MEDAG: variants seen among roughly 807,000 people sequenced by gnomAD.
MEDAG encodes mesenteric estrogen-dependent adipogenesis protein.
Under a neutral mutation model 29.9 loss-of-function variants are expected in MEDAG, and 25 were observed. That is an observed-to-expected ratio of 0.84 (90% CI 0.61 to 1.17). The LOEUF (loss-of-function observed/expected upper bound fraction) is 1.17. Ranked by LOEUF, MEDAG falls within the 50% of genes most tolerant of loss-of-function variation. The probability of loss-of-function intolerance (pLI) is 0.00; values close to 1 mark genes in which losing one functional copy is unlikely to be tolerated. For synonymous variants in MEDAG, 158 were observed against 148.2 expected (o/e 1.07, Z -0.48); for missense variants, 398 against 372.9 (o/e 1.07, Z -0.56).
rs148900753 is a variant in MEDAG at position 30,906,483 on chromosome 13, G to C, written c.-33G>C. 4,136 of 1,457,210 alleles carry C rather than the reference G, an allele frequency of 2.8e-3. 50 individuals carry two copies. The highest frequency in any genetic ancestry group is 0.025 in the South Asian group (1,709 of 69,394). The allele number at this position is 1,457,210 out of a possible 1,614,324, so 90.3% of individuals were successfully genotyped here. A position where few individuals can be genotyped will look rare whatever the true frequency, so the allele number is the denominator to read the frequency against. Reference sequence around the variant, plus strand: ...GGCTGGGGGCTGTAGGCACCGGACGGAAGCAGGCGGTGTGAGGACCGACGA... The same window carrying C: ...GGCTGGGGGCTGTAGGCACCGGACGCAAGCAGGCGGTGTGAGGACCGACGA... On this transcript the variant is annotated 5_prime_UTR_variant, in exon 1 of 5. Coordinates refer to ENST00000380482, the MANE Select transcript of MEDAG (RefSeq NM_032849.4).
chr13:30,908,236 T>C (rs917997211), intron 1 of MEDAG, among the ~76,000 whole-genome samples: 5 of 152,212 alleles, frequency 3.3e-5, no homozygotes, highest in Non-Finnish European at 7.3e-5. Context: ...GTGATTCCCC[T>C]GACAGCTTTG....
chr13:30,918,962 C>T (rs1471421753), intron 2 of MEDAG, among the ~76,000 whole-genome samples: 10 of 152,070 alleles, frequency 6.6e-5, no homozygotes, highest in African/African-American at 9.7e-5. Context: ...CCTCCTGCAC[C>T]GATCACTCAG....
At chr13:30,914,494 C>A (rs1245234103) in intron 1 of MEDAG, among the ~76,000 whole-genome samples, 1 of 152,240 alleles carries the variant, frequency 6.6e-6, no homozygotes, top group Non-Finnish European at 1.5e-5. Context: ...ACCCCTGAAT[C>A]ATCAAAGGCA....
intron 1 of MEDAG, among the ~76,000 whole-genome samples, chr13:30,912,559 G>T (rs1383005844): frequency 6.6e-6 from 1 of 151,898 alleles, no homozygotes; most frequent in Non-Finnish European, 1.5e-5. Flanking sequence ...GGCCATGAAG[G>T]ATTTGAATTC....
chr13:30,917,564 A>T (rs1343403745), intron 2 of MEDAG, 52 bp downstream of exon 2: 6 of 984,170 alleles, frequency 6.1e-6, no homozygotes, highest in Non-Finnish European at 9.6e-6. Context: ...AATACCTAAA[A>T]CTGGGTAATT....
At chr13:30,914,530 T>C (rs1952909493) in intron 1 of MEDAG, among the ~76,000 whole-genome samples, 1 of 152,262 alleles carries the variant, frequency 6.6e-6, no homozygotes, top group Non-Finnish European at 1.5e-5. Flanking sequence ...CATGTAGTTT[T>C]ATTATCCAAG....
At chr13:30,906,837 G>A (rs768075858) in intron 1 of MEDAG, 44 bp downstream of exon 1, 53 of 1,417,836 alleles carry the variant, frequency 3.7e-5, no homozygotes, top group Non-Finnish European at 4.6e-5. Context: ...CCTGGTACCC[G>A]CAGACGCCTC....
intron 1 of MEDAG, among the ~76,000 whole-genome samples, chr13:30,909,912 A>G (rs1485915659): frequency 2.6e-5 from 4 of 152,210 alleles, no homozygotes; most frequent in Non-Finnish European, 5.9e-5. Flanking sequence ...TTCTAAGTAC[A>G]TACCTACTAA....
chr13:30,924,302 GT>G lies in MEDAG; in HGVS notation c.788-3del, dbSNP rs764774458. 6.7e-5 allele frequency: 108 copies of G among 1,608,170 alleles called. No homozygotes were observed. The highest frequency in any genetic ancestry group is 1.5e-4 in the African/African-American group (11 of 74,642). On this transcript the variant is annotated splice_polypyrimidine_tract_variant and splice_region_variant and intron_variant, in intron 4 of 4. Transcript: ENST00000380482. The stretch of plus-strand genomic sequence containing the variant: ...GGTAATAATGCATGCTTTGTTTACT[GT>G]TTTTTAGGTTCAATAGATGATGTTT...
chr13:30,921,886 A>G (rs1393247775), intron 4 of MEDAG, 40 bp downstream of exon 4: 3 of 1,543,582 alleles, frequency 1.9e-6, no homozygotes, highest in African/African-American at 1.4e-5. Flanking sequence ...AAGGTAGTTA[A>G]ATAAAAGGGT....
intron 1 of MEDAG, 118 bp downstream of exon 1, chr13:30,906,911 T>G: frequency 9.5e-7 from 1 of 1,054,406 alleles, no homozygotes; most frequent in Non-Finnish European, 1.3e-6. Context: ...CGTGGCCCCT[T>G]GCTCCGTGCG....
chr13:30,922,254 CTT>C lies in MEDAG; in HGVS notation c.787+425_787+426del, dbSNP rs758501789. On this transcript the variant is annotated intron_variant, in intron 4 of 4. Transcript: ENST00000380482. ...GTCACTATATGGTCAAGATATCAGT[CTT>C]TTTTTTTTTTTTTTTTGAAACGGAG... The C allele has an allele frequency of 5.2e-4, 69 of 132,524 alleles. 3 individuals are homozygous for C. The South Asian group carries it at 6.1e-3, about 12-fold the overall frequency. 8.2% of individuals were successfully genotyped at this position (132,524 alleles called of 1,614,324 possible).
chr13:30,906,358 C>T lies in MEDAG; in HGVS notation c.-158C>T. On this transcript the variant is annotated 5_prime_UTR_variant, in exon 1 of 5. Coordinates refer to ENST00000380482, the MANE Select transcript of MEDAG (RefSeq NM_032849.4). ...GCGGTCAGACTGGCACCTGAGCGGC[C>T]ACCGCGTCCCGGCCAGGCGGGCAGA... The T allele has an allele frequency of 1.4e-6, 1 of 725,770 alleles. No homozygotes were observed. The highest frequency in any genetic ancestry group is 1.9e-6 in the Non-Finnish European group (1 of 513,096). The allele number at this position is 725,770 out of a possible 1,614,324, so 45.0% of individuals were successfully genotyped here.
rs893175687 is a variant in MEDAG at position 30,925,120 on chromosome 13, G to C, written c.*685G>C. 2 of 152,154 alleles carry C rather than the reference G, an allele frequency of 1.3e-5. No homozygotes were observed. The highest frequency in any genetic ancestry group is 4.8e-5 in the African/African-American group (2 of 41,444). 9.4% of individuals were successfully genotyped at this position (152,154 alleles called of 1,614,324 possible). On this transcript the variant is annotated 3_prime_UTR_variant, in exon 5 of 5. Coordinates refer to ENST00000380482, the MANE Select transcript of MEDAG (RefSeq NM_032849.4). ...CTTAACTAAGTGACCCATGTAGAAG[G>C]AAGCCAGGAGATATGGTACCGAACA...
chr13:30,917,365 G>A (rs1191029863), intron 1 of MEDAG, 38 bp from the exon 2 acceptor site: 12 of 1,177,534 alleles, frequency 1.0e-5, no homozygotes, highest in East Asian at 2.3e-5. Context: ...TAGATGAAAG[G>A]GTACGTTACA....
At chr13:30,917,348 C>T in intron 1 of MEDAG, 55 bp from the exon 2 acceptor site, 1 of 1,071,478 alleles carries the variant, frequency 9.3e-7, no homozygotes, top group South Asian at 1.3e-5. Context: ...ACATCCCCTT[C>T]CTAATTTAGA....
chr13:30,920,961 T>C lies in MEDAG; in HGVS notation c.389-53T>C, dbSNP rs950899324. On this transcript the variant is annotated intron_variant, in intron 2 of 4. Transcript: ENST00000380482. ...CTGCAATAGCAAATTATAAGAAGCA[T>C]GCTTATGTCACATGGACACACTTGT... The C allele has an allele frequency of 4.8e-6, 7 of 1,446,082 alleles. No individual in the cohort carries two copies. In the Admixed American group the frequency reaches 7.1e-5, roughly 15 times the overall value. 89.6% of individuals were successfully genotyped at this position (1,446,082 alleles called of 1,614,324 possible).
chr13:30,919,646 G>C (rs1182762807), intron 2 of MEDAG, among the ~76,000 whole-genome samples: 1 of 152,218 alleles, frequency 6.6e-6, no homozygotes, highest in Non-Finnish European at 1.5e-5. Context: ...AGATGAATAA[G>C]GTTAGTTTAA....
chr13:30,909,376 C>T (rs909510529), intron 1 of MEDAG, among the ~76,000 whole-genome samples: 22 of 152,002 alleles, frequency 1.4e-4, no homozygotes, highest in Non-Finnish European at 2.9e-5. Flanking sequence ...ATTTTTGACC[C>T]TTAATGGGTT....
Sources: allele counts gnomAD v4.1 joint callset (sites outside exome capture counted in the v4.1 genomes callset), GRCh38; gene constraint gnomAD v4.1.1; transcripts MANE v1.5; gene names NCBI Gene and HGNC (gene_info 2026-07-23, HGNC 2026-07-21).